The following SEMA5A variants were observed in gnomAD, a reference collection of about 807,000 sequenced individuals.
SEMA5A encodes semaphorin 5A.
SEMA5A carries 55 observed loss-of-function variants against 135.5 expected under a neutral mutation model. The ratio of observed to expected loss-of-function variants is 0.41; its 90% CI spans 0.33 to 0.51. The LOEUF is 0.51. Among genes scored for constraint, SEMA5A ranks in the 20% least tolerant of loss-of-function variants. The pLI is 0.37. For missense variants in SEMA5A, 1,290 were observed against 1,419.9 expected (o/e 0.91, Z 1.47); for synonymous variants, 580 against 546.5 (o/e 1.06, Z -0.85).
intron 1 of SEMA5A, among the ~76,000 whole-genome samples, chr5:9,454,451 A>G (rs928471739): frequency 6.6e-6 from 1 of 152,240 alleles, no homozygotes; most frequent in African/African-American, 2.4e-5. Context: ...CCTTTGATAT[A>G]TTCGCATCTG....
intron 11 of SEMA5A, among the ~76,000 whole-genome samples, chr5:9,180,872 A>T (rs1292992378): frequency 6.6e-6 from 1 of 152,246 alleles, no homozygotes; most frequent in African/African-American, 2.4e-5. Context: ...CTTGCAGAAG[A>T]AACTTCTAGA....
In SEMA5A at chr5:9,202,021, T is replaced by C. The variant is rs780948509; in HGVS notation, c.866A>G (p.Asn289Ser). The C allele has an allele frequency of 1.2e-6, 2 of 1,613,996 alleles. No individual in the cohort carries two copies. Among genetic ancestry groups the C allele is most frequent in the African/African-American group, 1.3e-5 (1 of 74,900 alleles). ...SRPGEVPFYY[N>S]ELQSTFFLPE... Reference sequence around the variant, plus strand: ...CAGGAAGAAAGTACTCTGCAATTCGTTGTAGTAAAAGGGGACTTCCCCAGG... The same window carrying C: ...CAGGAAGAAAGTACTCTGCAATTCGCTGTAGTAAAAGGGGACTTCCCCAGG... Residue 289 changes from asparagine (N) to serine (S), a missense_variant, in exon 9 of 23, where the codon AAC becomes AGC. Asn to Ser is a conservative substitution (Grantham distance 46). Around this residue, in one of 3 missense-constraint regions of SEMA5A, gnomAD observed 1,029 missense variants for 1,086.6 expected, o/e 0.95. Coordinates refer to ENST00000382496, the MANE Select transcript of SEMA5A (RefSeq NM_003966.3).
chr5:9,316,002 A>G (rs1752373487), intron 5 of SEMA5A, among the ~76,000 whole-genome samples: 1 of 152,212 alleles, frequency 6.6e-6, no homozygotes, highest in Non-Finnish European at 1.5e-5. Context: ...ATGGTTGCCA[A>G]ATCATAATCT....
chr5:9,051,683 A>G (rs1356082486), intron 20 of SEMA5A, among the ~76,000 whole-genome samples, 190 bp downstream of exon 20: 1 of 152,236 alleles, frequency 6.6e-6, no homozygotes, highest in Non-Finnish European at 1.5e-5. Flanking sequence ...TCTTAAATTC[A>G]TGAACTGAAT....
intron 11 of SEMA5A, among the ~76,000 whole-genome samples, chr5:9,165,620 T>C (rs1207137051): frequency 2.6e-5 from 4 of 152,206 alleles, no homozygotes; most frequent in Non-Finnish European, 4.4e-5. Flanking sequence ...TTGGATTCTA[T>C]TTGATTCTCT....
intron 8 of SEMA5A, among the ~76,000 whole-genome samples, chr5:9,213,446 G>A (rs1309124407): frequency 6.6e-6 from 1 of 152,192 alleles, no homozygotes; most frequent in Non-Finnish European, 1.5e-5. Context: ...GGGCTAGATA[G>A]GAGGGAGCTG....
intron 5 of SEMA5A, among the ~76,000 whole-genome samples, chr5:9,306,013 A>G (rs4541632): frequency 0.92 from 140,052 of 152,210 alleles, 65,543 homozygotes; most frequent in East Asian, 1. Flanking sequence ...AAAACTGGCT[A>G]TGGATCTTAT....
At chr5:9,366,896 T>C (rs761830931) in intron 3 of SEMA5A, among the ~76,000 whole-genome samples, 5 of 152,170 alleles carry the variant, frequency 3.3e-5, no homozygotes, top group Non-Finnish European at 5.9e-5. Context: ...TGGAACACAA[T>C]AGATTTTCTA....
intron 8 of SEMA5A, among the ~76,000 whole-genome samples, chr5:9,224,295 G>T (rs2150415441): frequency 6.6e-6 from 1 of 152,078 alleles, no homozygotes; most frequent in East Asian, 1.9e-4. Context: ...AAAATTACAT[G>T]CCATGTTAGT....
At chr5:9,413,273 T>C (rs1424655229) in intron 2 of SEMA5A, among the ~76,000 whole-genome samples, 1 of 151,784 alleles carries the variant, frequency 6.6e-6, no homozygotes, top group East Asian at 1.9e-4. Context: ...AGGCCACTTA[T>C]GACAGCAAAC....
chr5:9,139,925 T>C (rs1349371434), intron 12 of SEMA5A, among the ~76,000 whole-genome samples: 3 of 152,156 alleles, frequency 2.0e-5, no homozygotes, highest in Admixed American at 2.0e-4. Context: ...CTATCCTTTA[T>C]CCACTTGAAA....
intron 5 of SEMA5A, among the ~76,000 whole-genome samples, chr5:9,258,801 T>G (rs1218629314): frequency 1.3e-4 from 16 of 118,938 alleles, no homozygotes; most frequent in African/African-American, 4.6e-4. Context: ...TCTTCTTTCT[T>G]TCTTTTTTTT....
intron 6 of SEMA5A, among the ~76,000 whole-genome samples, chr5:9,227,752 A>C (rs545137647): frequency 6.6e-6 from 1 of 152,062 alleles, no homozygotes; most frequent in African/African-American, 2.4e-5. Context: ...GGGTTTCACC[A>C]TGTTAGTCAG....
rs1755523597 is a variant in SEMA5A at position 9,379,940 on chromosome 5, C to T, written c.7G>A (p.Gly3Arg). The T allele has an allele frequency of 4.3e-6, 7 of 1,610,622 alleles. No individual in the cohort carries two copies. The East Asian group carries it at 1.6e-4, about 36-fold the overall frequency. The change falls in exon 3 of 23, where the codon GGA (glycine) becomes AGA (arginine). Residue 3 changes from glycine (G) to arginine (R), a missense_variant. Gly to Arg is a moderately radical substitution (Grantham distance 125). Transcript: ENST00000382496. Reference sequence around the variant, plus strand: ...AACAGCCATGCTATAACACAGGTTCCCTTCATGGTGGGCAAGGGGCCTCTG... The same window carrying T: ...AACAGCCATGCTATAACACAGGTTCTCTTCATGGTGGGCAAGGGGCCTCTG... Reference protein sequence around the residue: MKGTCVIAWLFSS... With the variant: MKRTCVIAWLFSS...
chr5:9,038,889 G>C lies in SEMA5A; in HGVS notation c.*4008C>G, dbSNP rs1053432268. On this transcript the variant is annotated 3_prime_UTR_variant, in exon 23 of 23. Transcript: ENST00000382496. The stretch of plus-strand genomic sequence containing the variant: ...ACCACAGGCACGCACCACGATGGCT[G>C]GCTAATATTTTGTATATTTTGTAGA... 4 of 151,900 alleles carry C rather than the reference G, an allele frequency of 2.6e-5. 1 individual carries two copies. Among genetic ancestry groups the C allele is most frequent in the African/African-American group, 9.7e-5 (4 of 41,246 alleles). The allele number at this position is 151,900 out of a possible 1,614,324, so 9.4% of individuals were successfully genotyped here. A position where few individuals can be genotyped will look rare whatever the true frequency, so the allele number is the denominator to read the frequency against.
chr5:9,268,692 TC>T (rs777238730), intron 5 of SEMA5A, among the ~76,000 whole-genome samples: 21 of 152,146 alleles, frequency 1.4e-4, no homozygotes, highest in Non-Finnish European at 2.9e-4. Context: ...GAATTTATTT[TC>T]CCCGCACTGT....
At chr5:9,525,828 G>A (rs961729732) in intron 1 of SEMA5A, among the ~76,000 whole-genome samples, 3 of 152,216 alleles carry the variant, frequency 2.0e-5, no homozygotes, top group Admixed American at 1.3e-4. Flanking sequence ...AGAAGGATAT[G>A]TAAACAGCAT....
At position 9,274,003 on chromosome 5, in the gene SEMA5A, T is replaced by C. The variant is rs544200374; in HGVS notation, c.271-36113A>G. On this transcript the variant is annotated intron_variant, in intron 5 of 22. Coordinates refer to ENST00000382496, the MANE Select transcript of SEMA5A (RefSeq NM_003966.3). Reference sequence around the variant, plus strand: ...CACACATAACAATATTAACCTTAAATGTAAATGGGTTAAATGCCCCAATTA... The same window carrying C: ...CACACATAACAATATTAACCTTAAACGTAAATGGGTTAAATGCCCCAATTA... 3.3e-5 allele frequency among the ~76,000 whole-genome samples: 5 copies of C among 152,124 alleles called. No homozygotes were observed. The East Asian group carries it at 9.6e-4, about 29-fold the overall frequency.
chr5:9,118,972 G>A, intron 15 of SEMA5A, 26 bp downstream of exon 15: 1 of 1,607,876 alleles, frequency 6.2e-7, no homozygotes, highest in Middle Eastern at 1.8e-4. Flanking sequence ...GAGGCTGGCG[G>A]TGCTGGCAGC....
Sources: gnomAD v4.1 joint callset for allele counts (sites outside exome capture counted in the v4.1 genomes callset) on GRCh38, gnomAD v4.1.1 for gene constraint, gnomAD v4.1.1 regional missense constraint, MANE v1.5 for transcripts, NCBI Gene and HGNC (gene_info 2026-07-23, HGNC 2026-07-21) for gene names.